COLEC12: variants seen among roughly 807,000 people sequenced by gnomAD.
The protein encoded by COLEC12 is collectin subfamily member 12.
In COLEC12, 33 loss-of-function variants were observed where a neutral mutation model predicts 71.1. That is an observed-to-expected ratio of 0.46 (90% confidence interval 0.35 to 0.62). COLEC12 has a LOEUF of 0.62. COLEC12 is among the 20% of genes least tolerant of loss of function. COLEC12 has a pLI of 0.00. For missense variants in COLEC12, 765 were observed against 916.1 expected, an observed-to-expected ratio of 0.84 and a Z score of 2.13; for synonymous variants, 350 against 353.0, an observed-to-expected ratio of 0.99 and a Z score of 0.10.
At position 327,578 on chromosome 18, in the gene COLEC12, G is replaced by T. The variant is rs1913874536; in HGVS notation, c.2063+4090C>A. 6.6e-6 allele frequency among the ~76,000 whole-genome samples: 1 copy of T among 152,234 alleles called. No individual in the cohort carries two copies. The highest frequency in any genetic ancestry group is 2.1e-4 in the South Asian group (1 of 4,836). On this transcript the variant is annotated intron_variant, in intron 8 of 9. Coordinates refer to ENST00000400256, the MANE Select transcript of COLEC12 (RefSeq NM_130386.3). This position sits in a 1 kb window ranked among gnomAD's most constrained non-coding sequence, Gnocchi z 4.0. The stretch of plus-strand genomic sequence containing the variant: ...CCTAAGCCTTTGGCTTCTGTTCCAT[G>T]TCACTATTGCCTTCTGTCTGTTCCA...
At chr18:475,096 T>TAAATAAAC (rs1447936705) in intron 2 of COLEC12, among the ~76,000 whole-genome samples, 12 of 151,736 alleles carry the variant, frequency 7.9e-5, no homozygotes, top group African/African-American at 2.9e-4. Context: ...AATAAATAAA[T>TAAATAAAC]TCAGAAATAC....
chr18:445,276 T>C (rs898549835), intron 2 of COLEC12, among the ~76,000 whole-genome samples: 3 of 152,170 alleles, frequency 2.0e-5, no homozygotes, highest in African/African-American at 7.2e-5. Context: ...GAAAAATCAT[T>C]ATCCATCTCT....
chr18:416,267 G>A (rs900408438), intron 2 of COLEC12, among the ~76,000 whole-genome samples: 8 of 152,168 alleles, frequency 5.3e-5, no homozygotes, highest in African/African-American at 1.7e-4. Flanking sequence ...GCTGAAAACA[G>A]TAAAGAGCAG....
At chr18:406,060 G>A (rs577477844) in intron 2 of COLEC12, among the ~76,000 whole-genome samples, 60 of 152,218 alleles carry the variant, frequency 3.9e-4, no homozygotes, top group Non-Finnish European at 7.4e-4. Flanking sequence ...GGCAATGAGA[G>A]TGACCCCTGG....
Position 500,599 on chromosome 18 carries a change from C to T in COLEC12, c.-85G>A, listed in dbSNP as rs2143806473. 2 of 1,121,578 alleles carry T rather than the reference C, an allele frequency of 1.8e-6. No individual in the cohort carries two copies. The highest frequency in any genetic ancestry group is 2.2e-6 in the Non-Finnish European group (2 of 897,298). 69.5% of individuals were successfully genotyped at this position (1,121,578 alleles called of 1,614,324 possible). ...GAAGTCGTCCCGAGCGGCTGCTCAC[C>T]GCACGCCCATGGTAGCCGCGCCGCG... On this transcript the variant is annotated 5_prime_UTR_variant, in exon 1 of 10. Transcript: ENST00000400256. The surrounding 1 kb of genome is among the most constrained non-coding windows in gnomAD (Gnocchi z 5.3).
intron 2 of COLEC12, among the ~76,000 whole-genome samples, chr18:466,132 A>C (rs764023085): frequency 5.3e-4 from 80 of 152,054 alleles, no homozygotes; most frequent in African/African-American, 1.8e-3. Context: ...CCCAGCTACT[A>C]GGGAGGCTGA....
chr18:433,994 T>C (rs1916355768), intron 2 of COLEC12, among the ~76,000 whole-genome samples: 1 of 148,146 alleles, frequency 6.8e-6, no homozygotes, highest in South Asian at 2.1e-4. Context: ...AAGAAGAGAT[T>C]TGCTTGTAGC....
chr18:334,806 G>A lies in COLEC12; in HGVS notation c.1752C>T (p.Gly584=). ...CCAGGGGCACCACCGCTCCTGATGG[G>A]CCAGGAGGGCCGGGGGGGCCCTTGG... ...PGPKGPPGPP[G]PSGAVVPLAL... is the part of the protein sequence containing the mutation. The change falls in exon 6 of 10, where the codon GGC becomes GGT. Residue 584 remains glycine, a synonymous_variant. Coordinates refer to ENST00000400256, the MANE Select transcript of COLEC12 (RefSeq NM_130386.3). 6.6e-7 allele frequency: 1 copy of A among 1,512,062 alleles called. No individual in the cohort carries two copies. Among genetic ancestry groups the A allele is most frequent in the Non-Finnish European group, 8.8e-7 (1 of 1,137,480 alleles). 93.7% of individuals were successfully genotyped at this position (1,512,062 alleles called of 1,614,324 possible).
chr18:470,586 A>G (rs1226943618), intron 2 of COLEC12, among the ~76,000 whole-genome samples: 1 of 152,022 alleles, frequency 6.6e-6, no homozygotes, highest in African/African-American at 2.4e-5. Flanking sequence ...GTCTCTAAAA[A>G]AAAAAAAATT....
intron 1 of COLEC12, among the ~76,000 whole-genome samples, chr18:483,384 T>G (rs1296059640): frequency 2.1e-5 from 3 of 143,498 alleles, no homozygotes; most frequent in East Asian, 2.0e-4. Context: ...AGCGACAGAG[T>G]GTGGGACTCC....
At chr18:329,919 C>T (rs775372427) in intron 8 of COLEC12, among the ~76,000 whole-genome samples, 5 of 152,014 alleles carry the variant, frequency 3.3e-5, no homozygotes, top group Non-Finnish European at 7.4e-5. Flanking sequence ...TATCCAAAAA[C>T]TTTAAAAATT....
At chr18:467,478 G>A (rs1163844944) in intron 2 of COLEC12, among the ~76,000 whole-genome samples, 2 of 152,214 alleles carry the variant, frequency 1.3e-5, no homozygotes, top group African/African-American at 2.4e-5. Flanking sequence ...TTGGTAACTG[G>A]TGGGTTTATG....
At chr18:458,504 A>G (rs1486027360) in intron 2 of COLEC12, among the ~76,000 whole-genome samples, 1 of 152,226 alleles carries the variant, frequency 6.6e-6, no homozygotes, top group Non-Finnish European at 1.5e-5. Flanking sequence ...CTCTAGCCAC[A>G]GGCATTGGCA....
chr18:441,151 G>C (rs1173944476), intron 2 of COLEC12, among the ~76,000 whole-genome samples: 2 of 148,048 alleles, frequency 1.4e-5, no homozygotes, highest in East Asian at 2.0e-4. Context: ...GGGAGGCTGA[G>C]GCAGGAGAAT....
At chr18:418,052 T>C (rs144471151) in intron 2 of COLEC12, among the ~76,000 whole-genome samples, 159 of 152,272 alleles carry the variant, frequency 1.0e-3, no homozygotes, top group African/African-American at 3.6e-3. Context: ...CAGTGAGAAA[T>C]GGCAGGATTC....
At chr18:348,705 C>T (rs1484492322) in intron 3 of COLEC12, among the ~76,000 whole-genome samples, 4 of 152,238 alleles carry the variant, frequency 2.6e-5, no homozygotes, top group Non-Finnish European at 4.4e-5. Flanking sequence ...AGTTCCACCA[C>T]AAGGCCCTGA....
In COLEC12 at chr18:387,107, C is replaced by T. The variant is rs147829592; in HGVS notation, c.59-29585G>A. Among the ~76,000 whole-genome samples the T allele has an allele frequency of 1.7e-4, 26 of 152,346 alleles. No homozygotes were observed. In the East Asian group the frequency reaches 4.8e-3, roughly 28 times the overall value. On this transcript the variant is annotated intron_variant, in intron 2 of 9. Coordinates refer to ENST00000400256, the MANE Select transcript of COLEC12 (RefSeq NM_130386.3). ...TTCCAACACATGATCTTTATGGCAA[C>T]ACCACTGAGCTCGCTTTTGGCAGAT...
At chr18:475,029 G>A (rs1179176399) in intron 2 of COLEC12, among the ~76,000 whole-genome samples, 1 of 151,964 alleles carries the variant, frequency 6.6e-6, no homozygotes, top group Non-Finnish European at 1.5e-5. Flanking sequence ...AGCCGAGATC[G>A]CGCCACTGCA....
intron 2 of COLEC12, among the ~76,000 whole-genome samples, chr18:418,027 G>A (rs1916023716): frequency 6.6e-6 from 1 of 152,174 alleles, no homozygotes; most frequent in Non-Finnish European, 1.5e-5. Flanking sequence ...CAGGGTGAGG[G>A]AGGGGTGAAG....
Sources: allele counts gnomAD v4.1 joint callset (sites outside exome capture counted in the v4.1 genomes callset), GRCh38; gene constraint gnomAD v4.1.1; non-coding constraint Gnocchi (gnomAD v3.1); transcripts MANE v1.5; gene names NCBI Gene and HGNC (gene_info 2026-07-23, HGNC 2026-07-21).